DARS1: variants seen among roughly 807,000 people sequenced by gnomAD.
DARS1 encodes aspartate--tRNA ligase, cytoplasmic.
DARS1 carries 51 observed loss-of-function variants against 68.8 expected under a neutral mutation model. That is an observed-to-expected ratio of 0.74 (90% CI 0.59 to 0.94). DARS1 has a LOEUF of 0.94. Ranked by LOEUF, DARS1 falls within the 40% of genes least tolerant of loss-of-function variation. The probability of loss-of-function intolerance (pLI) is 0.00; values close to 1 mark genes in which losing one functional copy is unlikely to be tolerated. For missense variants in DARS1, 607 were observed against 597.3 expected (o/e 1.02, Z -0.17); for synonymous variants, 203 against 190.4 (o/e 1.07, Z -0.55).
chr2:135,962,276 C>T (rs961747917), intron 3 of DARS1, among the ~76,000 whole-genome samples: 5 of 152,076 alleles, frequency 3.3e-5, no homozygotes, highest in East Asian at 1.9e-4. Context: ...TAATATATTT[C>T]GTTATTATGT....
intron 15 of DARS1, among the ~76,000 whole-genome samples, chr2:135,907,896 A>C (rs985089238): frequency 1.3e-5 from 2 of 152,162 alleles, no homozygotes; most frequent in African/African-American, 4.8e-5. Flanking sequence ...TATTATACTA[A>C]GTGTTTTGAC....
At chr2:135,944,617 G>A (rs928966274) in intron 4 of DARS1, among the ~76,000 whole-genome samples, 10 of 151,724 alleles carry the variant, frequency 6.6e-5, no homozygotes, top group African/African-American at 2.4e-4. Flanking sequence ...TTGTACTCTC[G>A]TAAGTCTCCT....
chr2:135,955,335 T>C (rs971677671), intron 4 of DARS1, among the ~76,000 whole-genome samples: 3 of 152,130 alleles, frequency 2.0e-5, no homozygotes. Flanking sequence ...ATGTGTTAAA[T>C]CTTACTATAT....
intron 15 of DARS1, among the ~76,000 whole-genome samples, chr2:135,908,179 G>A (rs1460501928): frequency 3.3e-5 from 5 of 152,144 alleles, no homozygotes; most frequent in Admixed American, 6.5e-5. Flanking sequence ...GTGTCTTTTC[G>A]TATATGAAAA....
intron 9 of DARS1, among the ~76,000 whole-genome samples, chr2:135,922,168 T>C (rs1280251506): frequency 1.3e-5 from 2 of 152,244 alleles, no homozygotes; most frequent in African/African-American, 4.8e-5. Flanking sequence ...TAGTTTCTAA[T>C]GGACATCAGC....
intron 4 of DARS1, among the ~76,000 whole-genome samples, chr2:135,943,978 T>TA (rs1358759324): frequency 2.0e-5 from 3 of 152,158 alleles, no homozygotes; most frequent in Non-Finnish European, 4.4e-5. Context: ...TCACTACCTT[T>TA]AGCTTCTGAG....
intron 3 of DARS1, among the ~76,000 whole-genome samples, chr2:135,976,915 G>A (rs1403635833): frequency 6.6e-6 from 1 of 152,000 alleles, no homozygotes; most frequent in Non-Finnish European, 1.5e-5. Context: ...CAATTAGAGT[G>A]AGCTACTGGA....
chr2:135,920,354 T>C (rs1356106122), intron 10 of DARS1, 99 bp downstream of exon 10: 7 of 1,463,384 alleles, frequency 4.8e-6, no homozygotes, highest in Non-Finnish European at 4.5e-6. Context: ...TATATGTTCA[T>C]AGAAACTTAA....
intron 5 of DARS1, among the ~76,000 whole-genome samples, chr2:135,939,678 C>T (rs1041704500): frequency 1.3e-5 from 2 of 151,964 alleles, no homozygotes; most frequent in Non-Finnish European, 2.9e-5. Context: ...TTGAAGGAGA[C>T]AGAGACACAA....
chr2:135,932,953 C>A (rs373755711), intron 6 of DARS1, 111 bp from the exon 7 acceptor site: 10 of 592,356 alleles, frequency 1.7e-5, no homozygotes, highest in East Asian at 8.7e-5. Context: ...GATGTGTGTA[C>A]GTTAATATTA....
intron 1 of DARS1, 53 bp downstream of exon 1, chr2:135,985,350 G>C: frequency 6.3e-7 from 1 of 1,592,244 alleles, no homozygotes; most frequent in Non-Finnish European, 8.6e-7. Flanking sequence ...CTCCCTCGGC[G>C]CAGCCCGGCC....
At chr2:135,925,529 T>G (rs1035350049) in intron 7 of DARS1, among the ~76,000 whole-genome samples, 10 of 152,232 alleles carry the variant, frequency 6.6e-5, no homozygotes, top group African/African-American at 2.4e-4. Context: ...AAGAATGATA[T>G]TTAAATAATC....
intron 4 of DARS1, among the ~76,000 whole-genome samples, chr2:135,954,325 C>CAAAAAA (rs1172207033): frequency 8.6e-5 from 7 of 81,414 alleles, no homozygotes; most frequent in East Asian, 3.4e-4. Context: ...AAAACAAAAC[C>CAAAAAA]AAAAAAAAAA....
intron 2 of DARS1, among the ~76,000 whole-genome samples, chr2:135,979,955 C>T (rs947021277): frequency 2.6e-5 from 4 of 152,178 alleles, no homozygotes; most frequent in Non-Finnish European, 4.4e-5. Context: ...GGGATTGCTG[C>T]GCTGACATGG....
chr2:135,942,957 T>A (rs1681639020), intron 5 of DARS1, among the ~76,000 whole-genome samples: 1 of 152,216 alleles, frequency 6.6e-6, no homozygotes, highest in Non-Finnish European at 1.5e-5. Flanking sequence ...ACGAGTGGAA[T>A]ATTTAGCAGA....
At chr2:135,985,667 G>A, upstream of DARS1, 4 of 1,375,476 alleles carry the variant, frequency 2.9e-6, no homozygotes, top group South Asian at 4.4e-5. Context: ...GAGCGCTGGC[G>A]GCCGCGCGCA....
intron 3 of DARS1, among the ~76,000 whole-genome samples, chr2:135,971,910 T>C (rs989783538): frequency 2.0e-5 from 3 of 152,000 alleles, no homozygotes; most frequent in African/African-American, 4.8e-5. Context: ...CTAAAAACTA[T>C]AGAACACTAT....
Position 135,943,259 on chromosome 2 carries a change from A to T in DARS1, c.423+119T>A. ...TATAACAAAAGCTAATTGATTCAGTAACTAATTTATAAACCTCAGTATTTT... is the reference window on the plus strand; with the variant it reads ...TATAACAAAAGCTAATTGATTCAGTTACTAATTTATAAACCTCAGTATTTT... On this transcript the variant is annotated intron_variant, in intron 5 of 15. Coordinates refer to ENST00000264161, the MANE Select transcript of DARS1 (RefSeq NM_001349.4). 2.2e-6 allele frequency: 3 copies of T among 1,355,322 alleles called. No individual in the cohort carries two copies. In the South Asian group the frequency reaches 4.6e-5, roughly 21 times the overall value. The allele number at this position is 1,355,322 out of a possible 1,614,324, so 84.0% of individuals were successfully genotyped here. A position where few individuals can be genotyped will look rare whatever the true frequency, so the allele number is the denominator to read the frequency against.
At position 135,967,326 on chromosome 2, in the gene DARS1, T is replaced by C. The variant is rs968755363; in HGVS notation, c.218-5828A>G. On this transcript the variant is annotated intron_variant, in intron 3 of 15. Coordinates refer to ENST00000264161, the MANE Select transcript of DARS1 (RefSeq NM_001349.4). ...TTCCTGCATAGATTTAAGTTGAAGT[T>C]ATTTTGGAAGTGTAAGTAAGTTTTT... Among the ~76,000 whole-genome samples, 7 of 152,370 alleles carry C rather than the reference T, an allele frequency of 4.6e-5. No individual in the cohort carries two copies. The East Asian group carries it at 1.3e-3, about 29-fold the overall frequency.
Sources: allele counts gnomAD v4.1 joint callset (sites outside exome capture counted in the v4.1 genomes callset), GRCh38; gene constraint gnomAD v4.1.1; transcripts MANE v1.5; gene names NCBI Gene and HGNC (gene_info 2026-07-23, HGNC 2026-07-21).